Variants in RAB20 observed in about 807,000 individuals in gnomAD.
RAB20 encodes the protein RAB20, member RAS oncogene family, also known as ras-related protein Rab-20.
RAB20 carries 2 observed loss-of-function variants against 3.7 expected under a neutral mutation model. The ratio of observed to expected loss-of-function variants is 0.54; its 90% CI spans 0.22 to 1.69. The LOEUF is 1.69. Among genes scored for constraint, RAB20 ranks in the 40% most tolerant of loss-of-function variants. The pLI is 0.19. For synonymous variants in RAB20, 126 were observed against 130.8 expected (o/e 0.96, Z 0.25); for missense variants, 276 against 311.9 (o/e 0.88, Z 0.87).
intron 1 of RAB20, among the ~76,000 whole-genome samples, chr13:110,544,414 A>G (rs1211445060): frequency 2.0e-5 from 3 of 152,118 alleles, no homozygotes; most frequent in East Asian, 1.9e-4. Context: ...TAAATTTTAG[A>G]ATTTTTTTCT....
rs78547781 is a variant in RAB20, at chr13:110,537,760, T to C, written c.173-13563A>G. ...CCTCACTATGTGCAGGCATTGCCTC[T>C]TCAGCGGTTCAGCTCCCAGGACCCT... On this transcript the variant is annotated intron_variant, in intron 1 of 1. Transcript: ENST00000267328. Among the ~76,000 whole-genome samples the C allele has an allele frequency of 4.4e-3, 674 of 152,184 alleles. 4 individuals carry two copies. Among genetic ancestry groups the C allele is most frequent in the Non-Finnish European group, 6.8e-3 (465 of 68,040 alleles).
At chr13:110,525,824 T>C (rs1007665770) in intron 1 of RAB20, among the ~76,000 whole-genome samples, 17 of 152,348 alleles carry the variant, frequency 1.1e-4, no homozygotes, top group African/African-American at 3.4e-4. Context: ...GGCAGCAGCA[T>C]GCACCTTGGC....
intron 1 of RAB20, among the ~76,000 whole-genome samples, chr13:110,531,379 G>T (rs118064598): frequency 0.018 from 2,717 of 152,308 alleles, 49 homozygotes; most frequent in Middle Eastern, 0.041. Flanking sequence ...CAAATTTTAC[G>T]CAGAGAACTA....
At chr13:110,541,636 A>C (rs954752060) in intron 1 of RAB20, among the ~76,000 whole-genome samples, 2 of 152,132 alleles carry the variant, frequency 1.3e-5, no homozygotes, top group Non-Finnish European at 2.9e-5. Flanking sequence ...TGCCTGCCCT[A>C]ATCTTGGTAT....
At chr13:110,538,422 A>T (rs944054651) in intron 1 of RAB20, among the ~76,000 whole-genome samples, 4 of 151,544 alleles carry the variant, frequency 2.6e-5, no homozygotes, top group African/African-American at 9.7e-5. Context: ...CCTGGGCAAC[A>T]TGGTGAGACT....
At chr13:110,529,586 T>A (rs1884494021) in intron 1 of RAB20, among the ~76,000 whole-genome samples, 1 of 152,122 alleles carries the variant, frequency 6.6e-6, no homozygotes, top group Admixed American at 6.5e-5. Context: ...AAGAGAAAAA[T>A]CACAAATTGG....
At chr13:110,561,179 A>G (rs557905932) in intron 1 of RAB20, among the ~76,000 whole-genome samples, 169 bp downstream of exon 1, 3 of 152,320 alleles carry the variant, frequency 2.0e-5, no homozygotes, top group African/African-American at 7.2e-5. Context: ...GCTGAGAGGC[A>G]GCGCTCAGCC....
chr13:110,560,142 G>A (rs1349936792), intron 1 of RAB20, among the ~76,000 whole-genome samples: 2 of 152,332 alleles, frequency 1.3e-5, no homozygotes, highest in East Asian at 3.9e-4. Flanking sequence ...CAAATGCTCA[G>A]TGTGAGGGAG....
chr13:110,546,874 C>T (rs935822517), intron 1 of RAB20, among the ~76,000 whole-genome samples: 5 of 151,978 alleles, frequency 3.3e-5, no homozygotes, highest in African/African-American at 1.2e-4. Context: ...AGTAGCTGAA[C>T]CTACAGGTGT....
chr13:110,538,256 AG>A lies in RAB20; in HGVS notation c.173-14060del, dbSNP rs1446358819. Among the ~76,000 whole-genome samples the A allele has an allele frequency of 6.3e-3, 896 of 143,262 alleles. 13 individuals are homozygous for A. The highest frequency in any genetic ancestry group is 0.022 in the African/African-American group (859 of 38,632). The allele number at this position is 143,262 out of a possible 152,430, so 94.0% of individuals were successfully genotyped here. A position where few individuals can be genotyped will look rare whatever the true frequency, so the allele number is the denominator to read the frequency against. On this transcript the variant is annotated intron_variant, in intron 1 of 1. Transcript: ENST00000267328. ...CTTGTCTCAAAAAAAAAAAAAAAAA[AG>A]AAAGAAAGAAAGAAAAGAAAAGAAA...
At chr13:110,526,520 C>G (rs1283181328) in intron 1 of RAB20, among the ~76,000 whole-genome samples, 1 of 152,218 alleles carries the variant, frequency 6.6e-6, no homozygotes, top group Non-Finnish European at 1.5e-5. Context: ...CTGAGGGCAA[C>G]TTCCCCTGAG....
At chr13:110,543,774 A>ATTTTTTT (rs60203869) in intron 1 of RAB20, among the ~76,000 whole-genome samples, 1 of 74,378 alleles carries the variant, frequency 1.3e-5, no homozygotes, top group African/African-American at 4.5e-5. Context: ...AATGTGGGTT[A>ATTTTTTT]TTTTTTTTTT....
At chr13:110,542,604 T>TA (rs1884783573) in intron 1 of RAB20, among the ~76,000 whole-genome samples, 2 of 152,344 alleles carry the variant, frequency 1.3e-5, no homozygotes, top group South Asian at 4.1e-4. Flanking sequence ...GTATCTGGTT[T>TA]ATTTCACTTA....
chr13:110,552,362 G>C (rs566643377), intron 1 of RAB20, among the ~76,000 whole-genome samples: 38 of 141,504 alleles, frequency 2.7e-4, no homozygotes, highest in African/African-American at 1.0e-3. Flanking sequence ...CTGGGCAACA[G>C]AGTGAGACTC....
chr13:110,542,453 G>A (rs1038634494), intron 1 of RAB20, among the ~76,000 whole-genome samples: 4 of 152,006 alleles, frequency 2.6e-5, no homozygotes, highest in African/African-American at 9.7e-5. Context: ...CTGAACCTTC[G>A]TAGCCTTTGA....
chr13:110,526,053 CCATCCCAAGGAGCCTCTG>C (rs1191402500), intron 1 of RAB20, among the ~76,000 whole-genome samples: 1 of 152,274 alleles, frequency 6.6e-6, no homozygotes, highest in African/African-American at 2.4e-5. Flanking sequence ...TGCTCAGACG[CCATCCCAAGGAGCCTCTG>C]CAGACAGGCC....
chr13:110,526,361 A>G (rs1257076061), intron 1 of RAB20, among the ~76,000 whole-genome samples: 1 of 152,272 alleles, frequency 6.6e-6, no homozygotes, highest in African/African-American at 2.4e-5. Flanking sequence ...GATTTTTTAA[A>G]AAGAAGCTAA....
At chr13:110,542,715 A>C (rs984962792) in intron 1 of RAB20, among the ~76,000 whole-genome samples, 2 of 152,204 alleles carry the variant, frequency 1.3e-5, no homozygotes, top group Admixed American at 6.5e-5. Flanking sequence ...TGATCCGTGC[A>C]CATCAGTGGA....
intron 1 of RAB20, among the ~76,000 whole-genome samples, chr13:110,542,764 G>A (rs1389019662): frequency 6.6e-6 from 1 of 152,186 alleles, no homozygotes; most frequent in Non-Finnish European, 1.5e-5. Flanking sequence ...CTGTGAACAC[G>A]GGAGTGCAGA....
Sources: gnomAD v4.1 joint callset for allele counts (sites outside exome capture counted in the v4.1 genomes callset) on GRCh38, gnomAD v4.1.1 for gene constraint, MANE v1.5 for transcripts, NCBI Gene and HGNC (gene_info 2026-07-23, HGNC 2026-07-21) for gene names.